HOXC6: variants seen among roughly 807,000 people sequenced by gnomAD.
HOXC6 encodes homeobox C6.
Under a neutral mutation model 24.0 loss-of-function variants are expected in HOXC6, and 10 were observed. The ratio of observed to expected loss-of-function variants is 0.42; its 90% CI spans 0.26 to 0.71. The LOEUF is 0.71. Among genes scored for constraint, HOXC6 ranks in the 30% least tolerant of loss-of-function variants. The pLI, the probability that HOXC6 is intolerant of heterozygous loss-of-function variation, is 0.28. For synonymous variants in HOXC6, 123 were observed against 128.1 expected (o/e 0.96, Z 0.27); for missense variants, 258 against 303.4 (o/e 0.85, Z 1.11).
Position 54,029,831 on chromosome 12 carries a change from C to G in HOXC6, c.577C>G (p.Arg193Gly). 6.2e-7 allele frequency: 1 copy of G among 1,613,822 alleles called. No homozygotes were observed. The highest frequency in any genetic ancestry group is 8.5e-7 in the Non-Finnish European group (1 of 1,179,942). ...RQIKIWFQNR[R>G]MKWKKESNLT... ...GATCAAAATCTGGTTCCAGAACCGC[C>G]GGATGAAGTGGAAAAAAGAATCTAA... The change falls in exon 2 of 2, where the codon CGG becomes GGG. Residue 193 changes from arginine to glycine, a missense_variant. Coordinates refer to ENST00000243108, the MANE Select transcript of HOXC6 (RefSeq NM_004503.4).
upstream of HOXC6, among the ~76,000 whole-genome samples, chr12:54,026,973 G>GC (rs1299383703): frequency 1.8e-4 from 25 of 140,810 alleles, 1 homozygote; most frequent in Non-Finnish European, 3.4e-4. Flanking sequence ...GTGGGGGGGG[G>GC]GGGATATGAG....
chr12:54,028,734 C>T lies in HOXC6; in HGVS notation c.213C>T (p.Asp71=). 6.2e-7 allele frequency: 1 copy of T among 1,614,162 alleles called. No individual in the cohort carries two copies. Among genetic ancestry groups the T allele is most frequent in the South Asian group, 1.1e-5 (1 of 91,080 alleles). The part of the protein sequence containing the change: ...VVFSSSRGPY[D]YGSNSFYQEK... Reference sequence around the variant, plus strand: ...TCAGTTCCAGCCGGGGGCCGTATGACTATGGATCTAATTCCTTTTACCAGG... The same window carrying T: ...TCAGTTCCAGCCGGGGGCCGTATGATTATGGATCTAATTCCTTTTACCAGG... Residue 71 remains aspartate (D), a synonymous_variant, in exon 1 of 2, where the codon GAC becomes GAT. Coordinates refer to ENST00000243108, the MANE Select transcript of HOXC6 (RefSeq NM_004503.4).
upstream of HOXC6, among the ~76,000 whole-genome samples, chr12:54,024,482 A>G (rs1940600272): frequency 6.6e-6 from 1 of 152,242 alleles, no homozygotes; most frequent in African/African-American, 2.4e-5. Flanking sequence ...GAGAGGAGAC[A>G]GGGAGAACAC....
intron 1 of HOXC6, chr12:54,021,581 C>G (rs1940440832): frequency 6.6e-6 from 1 of 152,268 alleles, no homozygotes; most frequent in Non-Finnish European, 1.5e-5. Context: ...GCTACTCTCT[C>G]TAGGTGATCG....
At chr12:54,029,601 T>G in intron 1 of HOXC6, 54 bp from the exon 2 acceptor site, 2 of 1,563,942 alleles carry the variant, frequency 1.3e-6, no homozygotes. Flanking sequence ...CGAAACAGTC[T>G]GCAGAGGACG....
At chr12:54,018,274 G>GCCGGGATGCCCACTGGA (rs1940255179) in intron 1 of HOXC6, among the ~76,000 whole-genome samples, 1 of 152,186 alleles carries the variant, frequency 6.6e-6, no homozygotes, top group Non-Finnish European at 1.5e-5. Context: ...GGCCATCCCA[G>GCCGGGATGCCCACTGGA]CCGGGATGCC....
chr12:54,022,784 C>T (rs1188172630), intron 1 of HOXC6, among the ~76,000 whole-genome samples: 3 of 152,160 alleles, frequency 2.0e-5, no homozygotes, highest in Admixed American at 2.0e-4. Flanking sequence ...TATATGACAA[C>T]TCACTGTGAT....
upstream of HOXC6, among the ~76,000 whole-genome samples, chr12:54,025,497 C>T (rs1330330747): frequency 7.2e-6 from 1 of 138,854 alleles, no homozygotes; most frequent in East Asian, 2.2e-4. Flanking sequence ...AAGAAGAGGG[C>T]TTCTTCTTTC....
upstream of HOXC6, among the ~76,000 whole-genome samples, chr12:54,023,657 G>T (rs141240544): frequency 9.9e-4 from 150 of 152,184 alleles, no homozygotes; most frequent in African/African-American, 3.5e-3. Context: ...CAACTGGTCA[G>T]CCCGGGCCCT....
At position 54,030,188 on chromosome 12, in the gene HOXC6, C is replaced by T. The variant is rs1940929777; in HGVS notation, c.*226C>T. On this transcript the variant is annotated 3_prime_UTR_variant, in exon 2 of 2. Transcript: ENST00000243108. ...CCTCCTCCTCGCTCCCTTGCTAGCT[C>T]GTTCTCGGCTTGTCTACAGGCCCTT... 4.3e-6 allele frequency: 2 copies of T among 470,376 alleles called. No homozygotes were observed. Among genetic ancestry groups the T allele is most frequent in the East Asian group, 3.4e-5 (1 of 29,818 alleles). The allele number at this position is 470,376 out of a possible 1,614,324, so 29.1% of individuals were successfully genotyped here.
upstream of HOXC6, among the ~76,000 whole-genome samples, chr12:54,027,003 A>C (rs1385507331): frequency 2.8e-5 from 4 of 140,396 alleles, no homozygotes; most frequent in Non-Finnish European, 3.1e-5. Flanking sequence ...CTCCCCGCAC[A>C]CTCCCCACCA....
intron 1 of HOXC6, chr12:54,020,915 A>C (rs1342121670): frequency 1.3e-5 from 2 of 152,242 alleles, no homozygotes; most frequent in Non-Finnish European, 2.9e-5. Flanking sequence ...AAACTCTCCC[A>C]ACTTAGAAAT....
At chr12:54,027,694 G>A (rs1453174075), upstream of HOXC6, among the ~76,000 whole-genome samples, 5 of 152,002 alleles carry the variant, frequency 3.3e-5, no homozygotes, top group African/African-American at 1.2e-4. Flanking sequence ...TTTCCCAACA[G>A]AGGGGTCCTG....
intron 1 of HOXC6, chr12:54,020,893 A>T (rs1332320127): frequency 6.6e-6 from 1 of 152,124 alleles, no homozygotes; most frequent in African/African-American, 2.4e-5. Flanking sequence ...CTTTCTCTCC[A>T]CACCTCCTGG....
At chr12:54,019,281 A>G (rs961561710) in intron 1 of HOXC6, among the ~76,000 whole-genome samples, 3 of 141,786 alleles carry the variant, frequency 2.1e-5, no homozygotes, top group South Asian at 2.2e-4. Flanking sequence ...GCTCTCCCCA[A>G]ATGGGCCCAG....
chr12:54,018,542 T>A (rs1940271475), intron 1 of HOXC6, among the ~76,000 whole-genome samples: 1 of 152,226 alleles, frequency 6.6e-6, no homozygotes, highest in Admixed American at 6.5e-5. Context: ...AATGGCCTGT[T>A]GTATAGTCTT....
At chr12:54,023,105 A>C (rs982911351) in intron 1 of HOXC6, among the ~76,000 whole-genome samples, 10 of 152,070 alleles carry the variant, frequency 6.6e-5, no homozygotes, top group African/African-American at 2.4e-4. Flanking sequence ...GATCACAGAG[A>C]GCTGTGTCCC....
chr12:54,028,265 A>ATTTT (rs1422671421), upstream of HOXC6: 1 of 71,346 alleles, frequency 1.4e-5, no homozygotes, highest in African/African-American at 4.9e-5. Context: ...ATATATATAT[A>ATTTT]TATTTTTTAA....
Position 54,028,640 on chromosome 12 carries a change from A to G in HOXC6, c.119A>G (p.Tyr40Cys). The part of the protein sequence containing the change: ...AYDPVRHFST[Y>C]GAAVAQNRIY... ...GATCCAGTGAGGCATTTCTCGACCT[A>G]TGGAGCGGCCGTTGCCCAGAACCGG... is the stretch of plus-strand genomic sequence containing the variant. Residue 40 changes from tyrosine to cysteine, a missense_variant, in exon 1 of 2, where the codon TAT becomes TGT. Transcript: ENST00000243108. The G allele has an allele frequency of 1.9e-6, 3 of 1,613,958 alleles. No individual in the cohort carries two copies. Among genetic ancestry groups the G allele is most frequent in the African/African-American group, 1.3e-5 (1 of 74,962 alleles).
Sources: gnomAD v4.1 joint callset for allele counts (sites outside exome capture counted in the v4.1 genomes callset) on GRCh38, gnomAD v4.1.1 for gene constraint, MANE v1.5 for transcripts, NCBI Gene and HGNC (gene_info 2026-07-23, HGNC 2026-07-21) for gene names.